Variants in PSME4 observed in about 807,000 individuals in gnomAD.
The protein encoded by PSME4 is proteasome activator subunit 4.
PSME4 carries 89 observed loss-of-function variants against 253.9 expected under a neutral mutation model. The observed-to-expected ratio is 0.35, with a 90% confidence interval of 0.30 to 0.42. The LOEUF (loss-of-function observed/expected upper bound fraction) is 0.42, where lower values mean the gene tolerates loss of function less well. Ranked by LOEUF, PSME4 falls within the 10% of genes least tolerant of loss-of-function variation. PSME4 has a pLI of 1.00. For synonymous variants in PSME4, 851 were observed against 759.2 expected (o/e 1.12, Z -1.99); for missense variants, 2,014 against 2,195.2 (o/e 0.92, Z 1.65).
chr2:53,877,585 T>G (rs78119135), intron 41 of PSME4, among the ~76,000 whole-genome samples: 651 of 152,288 alleles, frequency 4.3e-3, no homozygotes, highest in African/African-American at 0.015. Flanking sequence ...GGAGGTTTCC[T>G]CCTAAACCTA....
chr2:53,936,101 G>T lies in PSME4; in HGVS notation c.820C>A (p.Pro274Thr). 6.2e-7 allele frequency: 1 copy of T among 1,612,056 alleles called. No individual in the cohort carries two copies. The highest frequency in any genetic ancestry group is 8.5e-7 in the Non-Finnish European group (1 of 1,178,936). The change falls in exon 7 of 47, where the codon CCA (proline) becomes ACA (threonine). Residue 274 changes from proline (P) to threonine (T), a missense_variant. Physicochemically the swap from Pro to Thr is conservative, Grantham distance 38 (BLOSUM62 -1). Around this residue, in one of 4 missense-constraint regions of PSME4, gnomAD observed 615 missense variants for 594.4 expected, o/e 1.03. Transcript: ENST00000404125. ...TDNIGYIDWD[P>T]YVPKIFTRIL... Reference sequence around the variant, plus strand: ...ATGTTAATTACCTTTGGTACATATGGATCCCAATCTATGTACCCTATATTA... The same window carrying T: ...ATGTTAATTACCTTTGGTACATATGTATCCCAATCTATGTACCCTATATTA...
chr2:53,921,639 C>T (rs1400679247), intron 17 of PSME4, among the ~76,000 whole-genome samples: 6 of 143,746 alleles, frequency 4.2e-5, no homozygotes, highest in East Asian at 2.1e-4. Flanking sequence ...GAGGCCGAGG[C>T]GGGCGGATCA....
At chr2:53,937,737 C>T (rs961817816) in intron 4 of PSME4, among the ~76,000 whole-genome samples, 197 bp from the exon 5 acceptor site, 11 of 152,114 alleles carry the variant, frequency 7.2e-5, no homozygotes, top group African/African-American at 2.7e-4. Flanking sequence ...GTAGTTCATG[C>T]CTGTAATTCC....
intron 14 of PSME4, among the ~76,000 whole-genome samples, chr2:53,923,910 TAACAAAAAAA>T (rs1442025254): frequency 8.4e-5 from 2 of 23,898 alleles, no homozygotes; most frequent in East Asian, 1.9e-3. Context: ...GTGACAGAGT[TAACAAAAAAA>T]AAAAAAAAAA....
intron 41 of PSME4, among the ~76,000 whole-genome samples, chr2:53,884,335 C>T (rs1409553526): frequency 2.0e-5 from 3 of 152,098 alleles, no homozygotes; most frequent in African/African-American, 2.4e-5. Context: ...CTCAGCCTCC[C>T]GAGTAGCTGG....
At chr2:53,940,994 T>TATATATATATAC (rs1669426963) in intron 3 of PSME4, among the ~76,000 whole-genome samples, 3 of 93,542 alleles carry the variant, frequency 3.2e-5, no homozygotes, top group East Asian at 5.5e-4. Flanking sequence ...TATATATATA[T>TATATATATATAC]ATATATGAAA....
intron 7 of PSME4, 32 bp downstream of exon 7, chr2:53,936,055 C>T: frequency 1.2e-6 from 2 of 1,604,950 alleles, no homozygotes; most frequent in African/African-American, 2.7e-5. Context: ...CACCCCATGC[C>T]TGATAATTTT....
At chr2:53,897,752 A>C in intron 31 of PSME4, 118 bp downstream of exon 31, 1 of 1,203,112 alleles carries the variant, frequency 8.3e-7, no homozygotes, top group Non-Finnish European at 1.2e-6. Context: ...GGAGATTTCA[A>C]ATCAATACAC....
rs1196680136 is a variant in PSME4 at position 53,912,618 on chromosome 2, G to A, written c.2517-2488C>T. Among the ~76,000 whole-genome samples, 7 of 152,090 alleles carry A rather than the reference G, an allele frequency of 4.6e-5. 1 individual carries two copies. In the South Asian group the frequency reaches 8.3e-4, roughly 18 times the overall value. Reference sequence around the variant, plus strand: ...TGGTACTACAGGTGCACACCACCTCGCCAGCTAATTTTGTTTATTTACTTT... The same window carrying A: ...TGGTACTACAGGTGCACACCACCTCACCAGCTAATTTTGTTTATTTACTTT... On this transcript the variant is annotated intron_variant, in intron 20 of 46. Transcript: ENST00000404125.
chr2:53,939,081 T>G (rs1669260000), intron 4 of PSME4, among the ~76,000 whole-genome samples: 1 of 152,220 alleles, frequency 6.6e-6, no homozygotes, highest in Admixed American at 6.5e-5. Flanking sequence ...TCGCATAAAA[T>G]GACACTGTTC....
chr2:53,866,965 GTGT>G (rs1189501053), intron 44 of PSME4, 85 bp from the exon 45 acceptor site: 1 of 1,338,062 alleles, frequency 7.5e-7, no homozygotes, highest in Non-Finnish European at 1.0e-6. Flanking sequence ...GTTTTCAATT[GTGT>G]TGTTTTCAAT....
In PSME4 at chr2:53,864,638, ACT is replaced by A. The variant is rs145128142; in HGVS notation, c.*938_*939del. The A allele has an allele frequency of 4.6e-3, 700 of 152,700 alleles. No homozygotes were observed. Among genetic ancestry groups the A allele is most frequent in the African/African-American group, 0.016 (662 of 41,546 alleles). The allele number at this position is 152,700 out of a possible 1,614,324, so 9.5% of individuals were successfully genotyped here. A position where few individuals can be genotyped will look rare whatever the true frequency, so the allele number is the denominator to read the frequency against. On this transcript the variant is annotated 3_prime_UTR_variant, in exon 47 of 47. Transcript: ENST00000404125. ...CCAATGCTATCTCTACAGTTTATACACTCTTTTACATTTATATAACATATTAA... is the reference window on the plus strand; with the variant it reads ...CCAATGCTATCTCTACAGTTTATACACTTTTACATTTATATAACATATTAA...
chr2:53,871,146 C>T (rs1487638773), intron 43 of PSME4, among the ~76,000 whole-genome samples: 1 of 152,158 alleles, frequency 6.6e-6, no homozygotes, highest in African/African-American at 2.4e-5. Flanking sequence ...GGGAGGAAAA[C>T]ACTAAATTAG....
intron 4 of PSME4, among the ~76,000 whole-genome samples, chr2:53,939,680 CAAAT>C (rs1297978985): frequency 6.6e-6 from 1 of 152,110 alleles, no homozygotes; most frequent in Non-Finnish European, 1.5e-5. Flanking sequence ...GTCTGAATAA[CAAAT>C]AACAATACTC....
At chr2:53,870,731 T>A (rs991370865) in intron 43 of PSME4, 1 of 152,170 alleles carries the variant, frequency 6.6e-6, no homozygotes, top group African/African-American at 2.4e-5. Flanking sequence ...CTCAGTACTA[T>A]GCTATATTCT....
At chr2:53,930,932 CAGA>C (rs1668800487) in intron 10 of PSME4, among the ~76,000 whole-genome samples, 1 of 152,170 alleles carries the variant, frequency 6.6e-6, no homozygotes, top group Non-Finnish European at 1.5e-5. Context: ...AGAGGTACAA[CAGA>C]AAGCTTAAGT....
intron 1 of PSME4, among the ~76,000 whole-genome samples, chr2:53,960,322 C>A (rs931181275): frequency 2.0e-4 from 30 of 150,570 alleles, no homozygotes; most frequent in African/African-American, 7.1e-4. Context: ...TCACTTGAAC[C>A]TGGGAGGCGG....
At chr2:53,942,253 G>A (rs371340153) in intron 3 of PSME4, 2 of 152,508 alleles carry the variant, frequency 1.3e-5, no homozygotes, top group Non-Finnish European at 2.9e-5. Flanking sequence ...AAAGGTTAAG[G>A]CTAGATGCTA....
At position 53,891,931 on chromosome 2, in the gene PSME4, G is replaced by C. The variant is rs537075352; in HGVS notation, c.4191+877C>G. On this transcript the variant is annotated intron_variant, in intron 36 of 46. Coordinates refer to ENST00000404125, the MANE Select transcript of PSME4 (RefSeq NM_014614.3). ...TGGATGGACAGACGGAAGGACAGATGGAAGGAAGGAAGGAAGGAAGGAATT... is the reference window on the plus strand; with the variant it reads ...TGGATGGACAGACGGAAGGACAGATCGAAGGAAGGAAGGAAGGAAGGAATT... 1.1e-4 allele frequency among the ~76,000 whole-genome samples: 17 copies of C among 150,828 alleles called. No individual in the cohort carries two copies. The South Asian group carries it at 3.1e-3, about 28-fold the overall frequency.
Sources: allele counts gnomAD v4.1 joint callset (sites outside exome capture counted in the v4.1 genomes callset), GRCh38; gene constraint gnomAD v4.1.1; regional missense constraint gnomAD v4.1.1; transcripts MANE v1.5; gene names NCBI Gene and HGNC (gene_info 2026-07-23, HGNC 2026-07-21).